AHNAK2: variants seen among roughly 807,000 people sequenced by gnomAD.
AHNAK2 encodes the protein AHNAK nucleoprotein 2, also known as protein AHNAK2.
A neutral mutation model predicts 30.7 loss-of-function variants in AHNAK2; 18 were observed. The observed-to-expected ratio is 0.59, with a 90% CI of 0.41 to 0.87. The LOEUF (loss-of-function observed/expected upper bound fraction) is 0.87. Among genes scored for constraint, AHNAK2 ranks in the 40% least tolerant of loss-of-function variants. AHNAK2 has a pLI of 0.00. For synonymous variants in AHNAK2, 3,590 were observed against 3,073.8 expected, an observed-to-expected ratio of 1.17 and a Z score of -5.56; for missense variants, 8,604 against 7,373.0, an observed-to-expected ratio of 1.17 and a Z score of -6.11.
chr14:104,940,676 A>C lies in AHNAK2; in HGVS notation c.14775T>G (p.Leu4925=). 2 of 1,613,326 alleles carry C rather than the reference A, an allele frequency of 1.2e-6. No homozygotes were observed. Among genetic ancestry groups the C allele is most frequent in the Non-Finnish European group, 1.7e-6 (2 of 1,179,856 alleles). Reference sequence around the variant, plus strand: ...CTACTGATGTCTGCAAGGAGGCCACAAGCTCTTCTGGGCCCTGAGACACAC... The same window carrying C: ...CTACTGATGTCTGCAAGGAGGCCACCAGCTCTTCTGGGCCCTGAGACACAC... ...GTCVSQGPEE[L]VASLQTSVVA... The change falls in exon 7 of 7, where the codon CTT becomes CTG. Residue 4925 remains leucine, a synonymous_variant. Transcript: ENST00000333244. The surrounding 1 kb of genome is among the most constrained non-coding windows in gnomAD (Gnocchi z 4.4).
intron 3 of AHNAK2, among the ~76,000 whole-genome samples, chr14:104,956,923 A>G (rs547011502): frequency 2.6e-5 from 4 of 152,280 alleles, no homozygotes; most frequent in African/African-American, 4.8e-5. Flanking sequence ...CACCCACCCT[A>G]CAGCCCACAG....
rs774768029 is a variant in AHNAK2, at chr14:104,939,939, A to G, written c.15512T>C (p.Leu5171Pro). 3 of 1,612,184 alleles carry G rather than the reference A, an allele frequency of 1.9e-6. No homozygotes were observed. The highest frequency in any genetic ancestry group is 2.5e-6 in the Non-Finnish European group (3 of 1,179,886). ...TTCCTCCTCTGGGCTTTCCACTGTG[A>G]GGACTTCAGCATCTGGTTTTCTACA... ...PSCRKPDAEVLTVESPEEEAM... is the reference protein window; with the variant it reads ...PSCRKPDAEVPTVESPEEEAM... The change falls in exon 7 of 7, where the codon CTC (leucine) becomes CCC (proline). Residue 5171 changes from leucine (L) to proline (P), a missense_variant. By Grantham distance (98) the Leu-to-Pro change is moderately conservative. Coordinates refer to ENST00000333244, the MANE Select transcript of AHNAK2 (RefSeq NM_138420.4).
At position 104,955,098 on chromosome 14, in the gene AHNAK2, T is replaced by C. The variant is rs1176070065; in HGVS notation, c.510A>G (p.Lys170=). The change falls in exon 6 of 7, where the codon AAA becomes AAG. Residue 170 remains lysine (K), a synonymous_variant. Transcript: ENST00000333244. ...LSTTVFFENI[K]YEDALKILQY... ...GAAGGATTTTGAGAGCATCTTCATA[T>C]TTTATGTTTTCAAAGAACACGGTTG... 2 of 1,613,200 alleles carry C rather than the reference T, an allele frequency of 1.2e-6. No homozygotes were observed. Among genetic ancestry groups the C allele is most frequent in the South Asian group, 1.1e-5 (1 of 91,088 alleles).
At position 104,952,004 on chromosome 14, in the gene AHNAK2, C is replaced by G; in HGVS notation, c.3447G>C (p.Leu1149=). Residue 1149 remains leucine (L), a synonymous_variant, in exon 7 of 7, where the codon CTG becomes CTC. Coordinates refer to ENST00000333244, the MANE Select transcript of AHNAK2 (RefSeq NM_138420.4). ...KLDSARLEGE[L]SLADKDVTAK... is the part of the protein sequence containing the mutation. ...CAGTCACATCCTTGTCGGCCAGGGA[C>G]AGTTCCCCCTCCAGCCGCGCACTGT... The G allele has an allele frequency of 6.2e-7, 1 of 1,612,534 alleles. No homozygotes were observed. Among genetic ancestry groups the G allele is most frequent in the Non-Finnish European group, 8.5e-7 (1 of 1,179,588 alleles).
In AHNAK2 at chr14:104,946,659, T is replaced by A; in HGVS notation, c.8792A>T (p.Glu2931Val). The stretch of plus-strand genomic sequence containing the variant: ...CACCTCCACGTCGGGGGCCGTCACC[T>A]CCGCCTTGGGGCCTTTCAGGTCCAG... ...PKLDLKGPKA[E>V]VTAPDVEVSL... Residue 2931 changes from glutamate (E) to valine (V), a missense_variant, in exon 7 of 7, where the codon GAG becomes GTG. By Grantham distance (121) the Glu-to-Val change is moderately radical (BLOSUM62 -2). Coordinates refer to ENST00000333244, the MANE Select transcript of AHNAK2 (RefSeq NM_138420.4). 6.2e-7 allele frequency: 1 copy of A among 1,612,730 alleles called. No individual in the cohort carries two copies. Among genetic ancestry groups the A allele is most frequent in the South Asian group, 1.1e-5 (1 of 91,014 alleles).
chr14:104,971,857 G>A (rs1281131360), intron 1 of AHNAK2, among the ~76,000 whole-genome samples: 3 of 152,266 alleles, frequency 2.0e-5, no homozygotes, highest in Non-Finnish European at 1.5e-5. Context: ...GCAGTCTGGA[G>A]CAGGCCCACA....
rs573305218 is a variant in AHNAK2, at chr14:104,950,265, C to G, written c.5186G>C (p.Gly1729Ala). ...GAAGCCGGCTCCCTCGGGAAGGGGG[C>G]CCTCCGGGAGTTTCACGTTCACTTG... ...AGQVNVKLPE[G>A]PLPEGAGFKG... Residue 1729 changes from glycine (G) to alanine (A), a missense_variant, in exon 7 of 7, where the codon GGC becomes GCC. Physicochemically the swap from Gly to Ala is moderately conservative, Grantham distance 60 (BLOSUM62 0). Transcript: ENST00000333244. 2 of 1,585,310 alleles carry G rather than the reference C, an allele frequency of 1.3e-6. No individual in the cohort carries two copies. Among genetic ancestry groups the G allele is most frequent in the Non-Finnish European group, 1.7e-6 (2 of 1,162,710 alleles).
intron 1 of AHNAK2, among the ~76,000 whole-genome samples, chr14:104,968,908 GC>G (rs1899392557): frequency 1.3e-5 from 2 of 152,330 alleles, no homozygotes; most frequent in South Asian, 4.1e-4. Flanking sequence ...GGAGGCGGGA[GC>G]CCTGTGGGAG....
In AHNAK2 at chr14:104,944,218, C is replaced by A. The variant is rs1595395716; in HGVS notation, c.11233G>T (p.Gly3745Cys). 3 of 1,612,884 alleles carry A rather than the reference C, an allele frequency of 1.9e-6. No individual in the cohort carries two copies. Among genetic ancestry groups the A allele is most frequent in the Admixed American group, 3.3e-5 (2 of 59,910 alleles). Residue 3745 changes from glycine to cysteine, a missense_variant, in exon 7 of 7, where the codon GGC (glycine) becomes TGC (cysteine). Transcript: ENST00000333244. ...DLKGPQVDIK[G>C]PKLDLKVSKA... ...GAGACTTTTAGGTCCAGCTTGGGGC[C>A]CTTGATGTCCACCTGGGGGCCCTTG...
At position 104,947,546 on chromosome 14, in the gene AHNAK2, G is replaced by T. The variant is rs899412413; in HGVS notation, c.7905C>A (p.Ser2635=). 6 of 1,611,956 alleles carry T rather than the reference G, an allele frequency of 3.7e-6. No individual in the cohort carries two copies. Among genetic ancestry groups the T allele is most frequent in the Non-Finnish European group, 5.1e-6 (6 of 1,179,452 alleles). ...LDGARLEGDL[S]LADKGVTAKD... ...TGGCTGTCACACCCTTGTCGGCCAG[G>T]GACAGGTCCCCCTCCAGCCGCGCAC... Residue 2635 remains serine, a synonymous_variant, in exon 7 of 7, where the codon TCC becomes TCA. Transcript: ENST00000333244.
At chr14:104,959,089 C>T (rs925812704) in intron 1 of AHNAK2, among the ~76,000 whole-genome samples, 5 of 152,212 alleles carry the variant, frequency 3.3e-5, no homozygotes, top group African/African-American at 1.2e-4. Flanking sequence ...AATCCCAGCA[C>T]TTTGGGAGGC....
Position 104,947,926 on chromosome 14 carries a change from A to T in AHNAK2, c.7525T>A (p.Ser2509Thr), listed in dbSNP as rs548174640. 5.0e-6 allele frequency: 8 copies of T among 1,612,250 alleles called. No homozygotes were observed. The highest frequency in any genetic ancestry group is 2.7e-5 in the African/African-American group (2 of 74,284). ...CCGTCGGCCTCCACCTTCGGCGCAG[A>T]CACATCCACCGAGGCCTCGATGGAC... is the stretch of plus-strand genomic sequence containing the variant. ...GKSIEASVDV[S>T]APKVEADGSL... The change falls in exon 7 of 7, where the codon TCT becomes ACT. Residue 2509 changes from serine (S) to threonine (T), a missense_variant. Physicochemically the swap from Ser to Thr is moderately conservative, Grantham distance 58. Transcript: ENST00000333244.
chr14:104,961,902 G>A (rs1899160070), intron 1 of AHNAK2, among the ~76,000 whole-genome samples: 1 of 152,184 alleles, frequency 6.6e-6, no homozygotes, highest in Admixed American at 6.5e-5. Flanking sequence ...GAGCCCAGGA[G>A]GTTAAAGCTG....
At position 104,955,584 on chromosome 14, in the gene AHNAK2, C is replaced by T; in HGVS notation, c.365G>A (p.Gly122Glu). The T allele has an allele frequency of 6.2e-7, 1 of 1,613,706 alleles. No homozygotes were observed. The highest frequency in any genetic ancestry group is 1.1e-5 in the South Asian group (1 of 91,068). The change falls in exon 5 of 7, where the codon GGA becomes GAA. Residue 122 changes from glycine (G) to glutamate (E), a missense_variant. Coordinates refer to ENST00000333244, the MANE Select transcript of AHNAK2 (RefSeq NM_138420.4). ...ACCTGTGACACTGTAGCCACTGGCT[C>T]CTGCCTCCACCTCTGTCTTCAGCGT... ...EVTLKTEVEA[G>E]ASGYSVTGGG...
chr14:104,947,649 T>A lies in AHNAK2; in HGVS notation c.7802A>T (p.Glu2601Val). 1 of 1,613,072 alleles carries A rather than the reference T, an allele frequency of 6.2e-7. No individual in the cohort carries two copies. The highest frequency in any genetic ancestry group is 8.5e-7 in the Non-Finnish European group (1 of 1,179,626). ...CATCTCCACATCGGGGGCTGTCACT[T>A]CCGCCTTGGGGCCTTTCAGGTCCAG... ...PKLDLKGPKA[E>V]VTAPDVEMSL... Residue 2601 changes from glutamate to valine, a missense_variant, in exon 7 of 7, where the codon GAA becomes GTA. Physicochemically the swap from Glu to Val is moderately radical, Grantham distance 121. Coordinates refer to ENST00000333244, the MANE Select transcript of AHNAK2 (RefSeq NM_138420.4).
rs377022486 is a variant in AHNAK2 at position 104,950,897 on chromosome 14, C to G, written c.4554G>C (p.Val1518=). ...CGTCGGCCTCCACCTTCGGCGCAGA[C>G]ACATCCACTGAGGCCTCGATGGACT... is the stretch of plus-strand genomic sequence containing the variant. ...PGKSIEASVD[V]SAPKVEADVS... Residue 1518 remains valine (V), a synonymous_variant, in exon 7 of 7, where the codon GTG becomes GTC. Coordinates refer to ENST00000333244, the MANE Select transcript of AHNAK2 (RefSeq NM_138420.4). 3.2e-6 allele frequency: 5 copies of G among 1,561,776 alleles called. No homozygotes were observed. In the African/African-American group the frequency reaches 4.2e-5, roughly 13 times the overall value.
At chr14:104,970,021 C>G (rs1299757672) in intron 1 of AHNAK2, among the ~76,000 whole-genome samples, 1 of 152,156 alleles carries the variant, frequency 6.6e-6, no homozygotes, top group African/African-American at 2.4e-5. Context: ...ATCTGAGGAC[C>G]CTTCTCCAGG....
rs61191309 is a variant in AHNAK2, at chr14:104,942,530, C to G, written c.12921G>C (p.Ser4307=). ...KFKMPKFKMP[S]FGVSAPGKSI... is the part of the protein sequence containing the mutation. ...ACTTGCCTGGGGCAGACACCCCGAA[C>G]GACGGCATCTTGAACTTGGGCATTT... Residue 4307 remains serine (S), a synonymous_variant, in exon 7 of 7, where the codon TCG becomes TCC. Transcript: ENST00000333244. The G allele has an allele frequency of 5.0e-6, 8 of 1,610,262 alleles. No homozygotes were observed. The South Asian group carries it at 5.5e-5, about 11-fold the overall frequency.
rs148748842 is a variant in AHNAK2 at position 104,947,444 on chromosome 14, C to G, written c.8007G>C (p.Ala2669=). ...CCTTCAGCTCAGACACATCCACCAA[C>G]GCCTCGATGGACTCGCCTGGGGCCG... ...RVSAPGESIE[A]LVDVSELKVE... Residue 2669 remains alanine (A), a synonymous_variant, in exon 7 of 7, where the codon GCG becomes GCC. Transcript: ENST00000333244. The G allele has an allele frequency of 5.2e-4, 833 of 1,607,524 alleles. 22 individuals are homozygous for G. In the African/African-American group the frequency reaches 0.01, roughly 20 times the overall value.
Sources: allele counts gnomAD v4.1 joint callset (sites outside exome capture counted in the v4.1 genomes callset), GRCh38; gene constraint gnomAD v4.1.1; non-coding constraint Gnocchi (gnomAD v3.1); transcripts MANE v1.5; gene names NCBI Gene and HGNC (gene_info 2026-07-23, HGNC 2026-07-21).